COL4A3: variants seen among roughly 807,000 people sequenced by gnomAD.
COL4A3 encodes the protein collagen type IV alpha 3 chain, also known as collagen alpha-3(IV) chain.
A neutral mutation model predicts 217.4 loss-of-function variants in COL4A3; 135 were observed. The observed-to-expected ratio is 0.62, with a 90% confidence interval of 0.54 to 0.72. The LOEUF (loss-of-function observed/expected upper bound fraction) is 0.72, where lower values mean the gene tolerates loss of function less well. Ranked by LOEUF, COL4A3 falls within the 30% of genes least tolerant of loss-of-function variation. COL4A3 has a pLI of 0.00. For synonymous variants in COL4A3, 690 were observed against 736.3 expected (o/e 0.94, Z 1.02); for missense variants, 1,868 against 2,119.9 (o/e 0.88, Z 2.33).
At chr2:227,311,473 A>G (rs2073739138) in intron 51 of COL4A3, among the ~76,000 whole-genome samples, 1 of 151,268 alleles carries the variant, frequency 6.6e-6, no homozygotes, top group Non-Finnish European at 1.5e-5. Context: ...TCCACTTCCC[A>G]GGTTTAAGTG....
At chr2:227,305,535 G>C (rs914408526) in intron 47 of COL4A3, 1 of 161,750 alleles carries the variant, frequency 6.2e-6, no homozygotes, top group Non-Finnish European at 1.4e-5. Context: ...TCTTCATGGT[G>C]GTGGGTGCCT....
chr2:227,294,547 C>A lies in COL4A3; in HGVS notation c.3395C>A (p.Pro1132His), dbSNP rs893516153. 12 of 1,612,940 alleles carry A rather than the reference C, an allele frequency of 7.4e-6. No homozygotes were observed. In the African/African-American group the frequency reaches 1.5e-4, roughly 20 times the overall value. ...AAAGGAATCAAAGGCCTCCTGGGCC[C>A]TCCAGGAATCAGAGGCCCTCCAGGT... ...GFKGIKGLLGPPGIRGPPGLP... is the reference protein window; with the variant it reads ...GFKGIKGLLGHPGIRGPPGLP... The change falls in exon 39 of 52, where the codon CCT (proline) becomes CAT (histidine). Residue 1132 changes from proline to histidine, a missense_variant. Pro to His is a moderately conservative substitution (Grantham distance 77). Coordinates refer to ENST00000396578, the MANE Select transcript of COL4A3 (RefSeq NM_000091.5).
intron 1 of COL4A3, among the ~76,000 whole-genome samples, chr2:227,215,198 T>C (rs2067481202): frequency 6.6e-6 from 1 of 152,130 alleles, no homozygotes; most frequent in Admixed American, 6.6e-5. Flanking sequence ...TTTCCCTCAT[T>C]ATGAAATAAT....
Position 227,191,665 on chromosome 2 carries a change from G to T in COL4A3, c.87+26852G>T, listed in dbSNP as rs529601559. On this transcript the variant is annotated intron_variant, in intron 1 of 51. Coordinates refer to ENST00000396578, the MANE Select transcript of COL4A3 (RefSeq NM_000091.5). The surrounding 1 kb of genome is among the most constrained non-coding windows in gnomAD (Gnocchi z 6.8). ...GATGTAGCTGAAGTTTTACATTATG[G>T]CCTGCAAGAAACTTTATTCTAATAA... 6.6e-6 allele frequency among the ~76,000 whole-genome samples: 1 copy of T among 152,102 alleles called. No homozygotes were observed. Among genetic ancestry groups the T allele is most frequent in the African/African-American group, 2.4e-5 (1 of 41,418 alleles).
Position 227,279,969 on chromosome 2 carries a change from G to A in COL4A3, c.2223+79G>A, listed in dbSNP as rs568867709. 5.9e-6 allele frequency: 5 copies of A among 846,918 alleles called. No individual in the cohort carries two copies. The Admixed American group carries it at 9.1e-5, about 15-fold the overall frequency. The allele number at this position is 846,918 out of a possible 1,614,324, so 52.5% of individuals were successfully genotyped here. On this transcript the variant is annotated intron_variant, in intron 29 of 51. Coordinates refer to ENST00000396578, the MANE Select transcript of COL4A3 (RefSeq NM_000091.5). ...CCAGTTTGTATGCACTTATCTGGCAGAGCACTCTAGATGTAGAAATGATCA... is the reference window on the plus strand; with the variant it reads ...CCAGTTTGTATGCACTTATCTGGCAAAGCACTCTAGATGTAGAAATGATCA...
intron 1 of COL4A3, among the ~76,000 whole-genome samples, chr2:227,176,755 G>C (rs1003262232): frequency 1.1e-4 from 16 of 152,204 alleles, no homozygotes; most frequent in Admixed American, 3.9e-4. Flanking sequence ...AGTTCCACAA[G>C]TGGGAAGTTG....
intron 46 of COL4A3, 69 bp downstream of exon 46, chr2:227,304,213 T>C (rs2073408702): frequency 6.3e-7 from 1 of 1,582,716 alleles, no homozygotes; most frequent in East Asian, 2.2e-5. Context: ...TAAACTGCTT[T>C]GGAAACAGCT....
intron 39 of COL4A3, 147 bp downstream of exon 39, chr2:227,294,717 GA>G (rs2072946862): frequency 1.4e-6 from 1 of 715,108 alleles, no homozygotes. Context: ...AATGGGGTTA[GA>G]TATTTCTATC....
chr2:227,171,660 G>T (rs1266930936), intron 1 of COL4A3, among the ~76,000 whole-genome samples: 1 of 152,174 alleles, frequency 6.6e-6, no homozygotes, highest in Non-Finnish European at 1.5e-5. Context: ...GTGCCAAATT[G>T]TTCCTGGTGG....
intron 21 of COL4A3, chr2:227,264,604 G>A (rs1245130578): frequency 6.5e-6 from 1 of 153,678 alleles, no homozygotes; most frequent in Non-Finnish European, 1.4e-5. Flanking sequence ...TTAGCATTCT[G>A]TGTTGGCTCA....
At chr2:227,258,977 T>TCCATCTA (rs2070371588) in intron 18 of COL4A3, among the ~76,000 whole-genome samples, 1 of 151,902 alleles carries the variant, frequency 6.6e-6, no homozygotes, top group Non-Finnish European at 1.5e-5. Context: ...AAGTAATTGA[T>TCCATCTA]CCATCTAGCA....
intron 1 of COL4A3, among the ~76,000 whole-genome samples, chr2:227,229,715 C>T (rs2068286618): frequency 6.6e-6 from 1 of 152,122 alleles, no homozygotes; most frequent in African/African-American, 2.4e-5. Context: ...AAGGTACATC[C>T]TAGTATCTCC....
rs777162751 is a variant in COL4A3 at position 227,261,076 on chromosome 2, T to TC, written c.1115-3dup. On this transcript the variant is annotated splice_polypyrimidine_tract_variant and splice_region_variant and intron_variant, in intron 19 of 51. Coordinates refer to ENST00000396578, the MANE Select transcript of COL4A3 (RefSeq NM_000091.5). ...TAAGCAATTAATTAATGTTATATAT[T>TC]CCCAGGTCCCAGTGGTCCCCCCGGA... 4.9e-5 allele frequency: 79 copies of TC among 1,609,980 alleles called. No homozygotes were observed. Among genetic ancestry groups the TC allele is most frequent in the Non-Finnish European group, 6.5e-5 (76 of 1,176,346 alleles).
intron 6 of COL4A3, chr2:227,246,296 G>C (rs1183060432): frequency 3.8e-6 from 2 of 525,922 alleles, no homozygotes; most frequent in East Asian, 7.0e-5. Context: ...CCAAAGCTTT[G>C]AGTGCAGAAT....
intron 51 of COL4A3, among the ~76,000 whole-genome samples, 190 bp from the exon 52 acceptor site, chr2:227,311,595 CT>C (rs2073743579): frequency 1.3e-5 from 2 of 152,138 alleles, no homozygotes; most frequent in South Asian, 4.1e-4. Context: ...GGCCGCTGGT[CT>C]GAAACTCCTG....
intron 1 of COL4A3, among the ~76,000 whole-genome samples, chr2:227,196,799 CTATT>C (rs1178971126): frequency 2.0e-5 from 3 of 152,146 alleles, no homozygotes; most frequent in Admixed American, 1.3e-4. Context: ...ACACAGTTAT[CTATT>C]TATGTGTTTG....
chr2:227,302,192 C>A lies in COL4A3; in HGVS notation c.3883-846C>A, dbSNP rs2073314167. On this transcript the variant is annotated intron_variant, in intron 43 of 51. Coordinates refer to ENST00000396578, the MANE Select transcript of COL4A3 (RefSeq NM_000091.5). ...CTCGTTCCTGCTTAGATTATTGCATCCTTGTCAAATATGCCTGTCAAATAC... is the reference window on the plus strand; with the variant it reads ...CTCGTTCCTGCTTAGATTATTGCATACTTGTCAAATATGCCTGTCAAATAC... Among the ~76,000 whole-genome samples, 4 of 152,140 alleles carry A rather than the reference C, an allele frequency of 2.6e-5. No individual in the cohort carries two copies. In the South Asian group the frequency reaches 8.3e-4, roughly 32 times the overall value.
At position 227,290,942 on chromosome 2, in the gene COL4A3, A is replaced by G. The variant is rs896207706; in HGVS notation, c.3210+56A>G. 6 of 1,566,966 alleles carry G rather than the reference A, an allele frequency of 3.8e-6. No homozygotes were observed. In the Admixed American group the frequency reaches 5.4e-5, roughly 14 times the overall value. On this transcript the variant is annotated intron_variant, in intron 37 of 51. Coordinates refer to ENST00000396578, the MANE Select transcript of COL4A3 (RefSeq NM_000091.5). Reference sequence around the variant, plus strand: ...AGTGGTGGAGTGAGTGCCTTGAAAAATATCAACAAGTACCCAGATTCGGTG... The same window carrying G: ...AGTGGTGGAGTGAGTGCCTTGAAAAGTATCAACAAGTACCCAGATTCGGTG...
chr2:227,193,787 AG>A (rs2066345068), intron 1 of COL4A3, among the ~76,000 whole-genome samples: 2 of 22,244 alleles, frequency 9.0e-5, no homozygotes, highest in African/African-American at 2.3e-4. Flanking sequence ...GAAGGAAGGA[AG>A]GAAGGAAGGA....
Sources: allele counts gnomAD v4.1 joint callset (sites outside exome capture counted in the v4.1 genomes callset), GRCh38; gene constraint gnomAD v4.1.1; non-coding constraint Gnocchi (gnomAD v3.1); transcripts MANE v1.5; gene names NCBI Gene and HGNC (gene_info 2026-07-23, HGNC 2026-07-21).